Variants in TMEM161B observed in about 807,000 individuals in gnomAD.
The protein encoded by TMEM161B is transmembrane protein 161B.
In TMEM161B, 34 loss-of-function variants were observed where a neutral mutation model predicts 61.8. That is an observed-to-expected ratio of 0.55 (90% CI 0.42 to 0.73). The LOEUF (loss-of-function observed/expected upper bound fraction) is 0.73, where lower values mean the gene tolerates loss of function less well. TMEM161B is among the 30% of genes least tolerant of loss of function. The probability of loss-of-function intolerance (pLI) is 0.00; values close to 1 mark genes in which losing one functional copy is unlikely to be tolerated. For missense variants in TMEM161B, 456 were observed against 558.5 expected (o/e 0.82, Z 1.85); for synonymous variants, 167 against 192.8 (o/e 0.87, Z 1.11).
At chr5:88,258,521 G>T (rs879426292) in intron 1 of TMEM161B, among the ~76,000 whole-genome samples, 12 of 152,078 alleles carry the variant, frequency 7.9e-5, no homozygotes, top group Non-Finnish European at 1.3e-4. Flanking sequence ...TTTCTCTCTT[G>T]ACCAAGGGCG....
intron 1 of TMEM161B, among the ~76,000 whole-genome samples, chr5:88,256,627 TC>T (rs1303866999): frequency 6.6e-6 from 1 of 152,222 alleles, no homozygotes; most frequent in African/African-American, 2.4e-5. Flanking sequence ...ATAACCTGTA[TC>T]ATGCTCAATT....
intron 2 of TMEM161B, 103 bp from the exon 3 acceptor site, chr5:88,228,631 C>A (rs1750463197): frequency 3.7e-6 from 3 of 811,008 alleles, no homozygotes; most frequent in South Asian, 1.9e-5. Context: ...AAGACACTGT[C>A]GAGAAATATC....
chr5:88,235,109 AACT>A (rs1286347709), intron 2 of TMEM161B, among the ~76,000 whole-genome samples: 3 of 152,334 alleles, frequency 2.0e-5, no homozygotes, highest in African/African-American at 7.2e-5. Context: ...ATTATCAGAC[AACT>A]ACAACTCTTA....
intron 1 of TMEM161B, among the ~76,000 whole-genome samples, chr5:88,244,379 T>A (rs1753258956): frequency 6.6e-6 from 1 of 151,852 alleles, no homozygotes; most frequent in Admixed American, 6.6e-5. Flanking sequence ...CAGTACGATT[T>A]ACTGTGCAGG....
chr5:88,189,368 G>A (rs1252512887), downstream of TMEM161B, among the ~76,000 whole-genome samples: 1 of 152,126 alleles, frequency 6.6e-6, no homozygotes, highest in Non-Finnish European at 1.5e-5. Flanking sequence ...ACTGGAGCAG[G>A]GCTTGTCTTC....
chr5:88,243,126 G>A (rs1196869932), intron 1 of TMEM161B, among the ~76,000 whole-genome samples: 1 of 151,658 alleles, frequency 6.6e-6, no homozygotes. Flanking sequence ...TATGTGTGCA[G>A]GTTTGTTATA....
At chr5:88,224,962 T>TG (rs1749743948) in intron 4 of TMEM161B, among the ~76,000 whole-genome samples, 1 of 135,256 alleles carries the variant, frequency 7.4e-6, no homozygotes. Flanking sequence ...AAAATATGTT[T>TG]TTGTTTTTTT....
chr5:88,258,398 T>C (rs1415537879), intron 1 of TMEM161B, among the ~76,000 whole-genome samples: 3 of 152,096 alleles, frequency 2.0e-5, no homozygotes, highest in African/African-American at 7.2e-5. Context: ...TGTTAATTAA[T>C]CTCACAGAGG....
chr5:88,196,397 T>C lies in TMEM161B; in HGVS notation c.1278A>G (p.Pro426=), dbSNP rs1225418211. 3.1e-6 allele frequency: 5 copies of C among 1,613,320 alleles called. No homozygotes were observed. The highest frequency in any genetic ancestry group is 1.1e-5 in the South Asian group (1 of 91,064). Residue 426 remains proline, a synonymous_variant, in exon 12 of 12, where the codon CCA becomes CCG. Transcript: ENST00000296595. ...TTACCTTCATTTTCCCTTCAGCTGA[T>C]GGTAATTCAGAGTAAACAGAATTGG... ...LLSNSVYSEL[P]SAEGKMKVTV... is the part of the protein sequence containing the mutation.
At chr5:88,197,579 A>G (rs1007308695) in intron 11 of TMEM161B, 90 bp downstream of exon 11, 1 of 1,057,428 alleles carries the variant, frequency 9.5e-7, no homozygotes, top group Non-Finnish European at 1.4e-6. Context: ...AAACAATTTT[A>G]AGAGTTGCAT....
At chr5:88,241,181 T>G (rs1167546776) in intron 1 of TMEM161B, among the ~76,000 whole-genome samples, 1 of 151,738 alleles carries the variant, frequency 6.6e-6, no homozygotes, top group Non-Finnish European at 1.5e-5. Flanking sequence ...AGCATTTACA[T>G]TGTATTAGGT....
intron 4 of TMEM161B, among the ~76,000 whole-genome samples, chr5:88,222,394 G>A (rs558222078): frequency 6.6e-6 from 1 of 152,040 alleles, no homozygotes; most frequent in Admixed American, 6.6e-5. Context: ...TATTGTGATT[G>A]ACCTACAGTT....
At chr5:88,198,878 A>G (rs1750165589) in intron 10 of TMEM161B, 98 bp downstream of exon 10, 1 of 979,390 alleles carries the variant, frequency 1.0e-6, no homozygotes, top group Non-Finnish European at 1.5e-6. Context: ...TAAGAATATG[A>G]TGGGTTGAAA....
downstream of TMEM161B, among the ~76,000 whole-genome samples, chr5:88,188,645 A>G (rs114201344): frequency 4.1e-3 from 629 of 151,722 alleles, 10 homozygotes; most frequent in African/African-American, 0.015. Flanking sequence ...CGCAGAGAAA[A>G]CTCCTCAGAC....
intron 1 of TMEM161B, among the ~76,000 whole-genome samples, chr5:88,265,386 C>G (rs1756248463): frequency 6.6e-6 from 1 of 152,172 alleles, no homozygotes; most frequent in Admixed American, 6.5e-5. Flanking sequence ...CACCTCAGAT[C>G]ATCAGGCATT....
intron 4 of TMEM161B, among the ~76,000 whole-genome samples, chr5:88,224,307 TAGGGAATCTATTTCAA>T (rs1165781135): frequency 1.3e-5 from 2 of 152,156 alleles, no homozygotes; most frequent in African/African-American, 4.8e-5. Context: ...AGGATAGGAG[TAGGGAATCTATTTCAA>T]AGAACTCATC....
chr5:88,248,088 G>A (rs1054485873), intron 1 of TMEM161B, among the ~76,000 whole-genome samples: 19 of 152,054 alleles, frequency 1.2e-4, no homozygotes, highest in African/African-American at 2.7e-4. Context: ...GAGAATCATC[G>A]GTGATATCTG....
At position 88,195,954 on chromosome 5, in the gene TMEM161B, A is replaced by C; in HGVS notation, c.*257T>G. The C allele has an allele frequency of 8.2e-7, 1 of 1,216,108 alleles. No homozygotes were observed. The allele number at this position is 1,216,108 out of a possible 1,614,324, so 75.3% of individuals were successfully genotyped here. A position where few individuals can be genotyped will look rare whatever the true frequency, so the allele number is the denominator to read the frequency against. On this transcript the variant is annotated 3_prime_UTR_variant, in exon 12 of 12. Transcript: ENST00000296595. ...AATCAGAAATATTACCCTTGTAGAT[A>C]GCCCTCTCATACCAGTAAATACAAA...
In TMEM161B at chr5:88,220,727, G is replaced by GTAAAAAA; in HGVS notation, c.290-9_290-8insTTTTTTA. The GTAAAAAA allele has an allele frequency of 1.7e-6, 1 of 581,450 alleles. No individual in the cohort carries two copies. Among genetic ancestry groups the GTAAAAAA allele is most frequent in the Non-Finnish European group, 2.1e-6 (1 of 466,910 alleles). The allele number at this position is 581,450 out of a possible 1,614,324, so 36.0% of individuals were successfully genotyped here. ...CTGGAAAGTAATGCAATGCTGGAAAGAAAAAAAAAAAAAAAAAAAAAAAAG... is the reference window on the plus strand; with the variant it reads ...CTGGAAAGTAATGCAATGCTGGAAAGTAAAAAAAAAAAAAAAAAAAAAAAAAAAAAAG... On this transcript the variant is annotated splice_polypyrimidine_tract_variant and intron_variant, in intron 4 of 11. Coordinates refer to ENST00000296595, the MANE Select transcript of TMEM161B (RefSeq NM_153354.5).
Sources: allele counts gnomAD v4.1 joint callset (sites outside exome capture counted in the v4.1 genomes callset), GRCh38; gene constraint gnomAD v4.1.1; transcripts MANE v1.5; gene names NCBI Gene and HGNC (gene_info 2026-07-23, HGNC 2026-07-21).